Variants in AKAP6 observed in about 807,000 individuals in gnomAD.
AKAP6 encodes A-kinase anchor protein 6.
Under a neutral mutation model 188.5 loss-of-function variants are expected in AKAP6, and 58 were observed. That is an observed-to-expected ratio of 0.31 (90% CI 0.25 to 0.38). The LOEUF (loss-of-function observed/expected upper bound fraction) is 0.38, where lower values mean the gene tolerates loss of function less well. Ranked by LOEUF, AKAP6 falls within the 10% of genes least tolerant of loss-of-function variation. AKAP6 has a pLI of 1.00. For missense variants in AKAP6, 2,710 were observed against 2,740.0 expected, an observed-to-expected ratio of 0.99 and a Z score of 0.24; for synonymous variants, 989 against 998.6, an observed-to-expected ratio of 0.99 and a Z score of 0.18.
At chr14:32,769,425 G>A (rs1312500348) in intron 11 of AKAP6, among the ~76,000 whole-genome samples, 5 of 151,968 alleles carry the variant, frequency 3.3e-5, no homozygotes, top group Non-Finnish European at 7.4e-5. Flanking sequence ...ATTGAAGGCA[G>A]GTACATTATC....
intron 7 of AKAP6, among the ~76,000 whole-genome samples, chr14:32,611,167 C>T (rs926700581): frequency 2.0e-5 from 3 of 151,854 alleles, no homozygotes; most frequent in African/African-American, 2.4e-5. Flanking sequence ...GAAGGGTTAA[C>T]GATGACTTAA....
chr14:32,344,896 A>G (rs1240652136), intron 1 of AKAP6, among the ~76,000 whole-genome samples: 1 of 149,150 alleles, frequency 6.7e-6, no homozygotes, highest in African/African-American at 2.5e-5. Context: ...AGCCTGGGCA[A>G]CAGAGTGAGA....
chr14:32,532,702 A>T (rs1353353392), intron 2 of AKAP6, among the ~76,000 whole-genome samples: 1 of 152,188 alleles, frequency 6.6e-6, no homozygotes, highest in African/African-American at 2.4e-5. Context: ...TCTCCTAGGT[A>T]TGTAAGATAT....
chr14:32,480,069 G>A lies in AKAP6; in HGVS notation c.324+46252G>A, dbSNP rs764975625. 1.9e-4 allele frequency among the ~76,000 whole-genome samples: 29 copies of A among 152,308 alleles called. 1 individual carries two copies. Among genetic ancestry groups the A allele is most frequent in the Middle Eastern group, 6.8e-3 (2 of 294 alleles). ...AGGAGAAAACAGTATCTCTGCAAAT[G>A]TAAGGGAATTGGACCTTGGAGTTGG... On this transcript the variant is annotated intron_variant, in intron 2 of 13. Coordinates refer to ENST00000280979, the MANE Select transcript of AKAP6 (RefSeq NM_004274.5).
chr14:32,332,705 C>A (rs1886568841), intron 1 of AKAP6, among the ~76,000 whole-genome samples: 1 of 151,996 alleles, frequency 6.6e-6, no homozygotes, highest in Non-Finnish European at 1.5e-5. Flanking sequence ...TGTTCTCAAC[C>A]TGGTGTTGAG....
chr14:32,394,830 A>G (rs1888825983), intron 1 of AKAP6, among the ~76,000 whole-genome samples: 1 of 152,146 alleles, frequency 6.6e-6, no homozygotes, highest in African/African-American at 2.4e-5. Flanking sequence ...GTTTTATATT[A>G]AGCGCTATAT....
At chr14:32,746,029 G>A (rs1258675772) in intron 11 of AKAP6, among the ~76,000 whole-genome samples, 2 of 152,154 alleles carry the variant, frequency 1.3e-5, no homozygotes, top group African/African-American at 4.8e-5. Context: ...AGCTTATGGT[G>A]AATGCTGCCT....
intron 2 of AKAP6, among the ~76,000 whole-genome samples, chr14:32,501,315 C>T (rs1440004813): frequency 6.6e-6 from 1 of 152,104 alleles, no homozygotes; most frequent in Non-Finnish European, 1.5e-5. Context: ...CTAGCAAAAA[C>T]ATTTCAAGTG....
intron 12 of AKAP6, among the ~76,000 whole-genome samples, chr14:32,808,678 T>G (rs2034149430): frequency 6.6e-6 from 1 of 152,176 alleles, no homozygotes; most frequent in African/African-American, 2.4e-5. Flanking sequence ...AAGCAATTCT[T>G]CCGTTTTTTT....
chr14:32,700,748 G>C (rs1003073621), intron 9 of AKAP6, among the ~76,000 whole-genome samples: 1 of 152,008 alleles, frequency 6.6e-6, no homozygotes, highest in Non-Finnish European at 1.5e-5. Flanking sequence ...CTATCATCTA[G>C]GTTTATCTAA....
At chr14:32,586,097 G>A (rs1366563919) in intron 5 of AKAP6, among the ~76,000 whole-genome samples, 1 of 152,148 alleles carries the variant, frequency 6.6e-6, no homozygotes, top group African/African-American at 2.4e-5. Context: ...GCTTAGGTGA[G>A]AGAATAACTC....
At chr14:32,716,519 T>G (rs1199491246) in intron 9 of AKAP6, among the ~76,000 whole-genome samples, 1 of 150,218 alleles carries the variant, frequency 6.7e-6, no homozygotes, top group Non-Finnish European at 1.5e-5. Flanking sequence ...ACACTATGTA[T>G]TTAGTATATA....
intron 11 of AKAP6, among the ~76,000 whole-genome samples, chr14:32,737,277 A>T (rs2031472300): frequency 1.3e-5 from 2 of 152,102 alleles, no homozygotes; most frequent in Non-Finnish European, 2.9e-5. Context: ...AGAAAATTTT[A>T]TTCATGACTG....
intron 2 of AKAP6, among the ~76,000 whole-genome samples, chr14:32,462,901 CAAAAA>C (rs71143943): frequency 1.1e-3 from 10 of 8,836 alleles, no homozygotes; most frequent in African/African-American, 3.6e-3. Flanking sequence ...AAATGGAAAG[CAAAAA>C]AAAAAAAAAA....
intron 11 of AKAP6, among the ~76,000 whole-genome samples, chr14:32,763,171 T>C (rs1302851822): frequency 1.3e-5 from 2 of 152,144 alleles, no homozygotes; most frequent in African/African-American, 2.4e-5. Flanking sequence ...ATCTAGCTTT[T>C]ACATTGAATA....
At position 32,750,879 on chromosome 14, in the gene AKAP6, C is replaced by T. The variant is rs191857442; in HGVS notation, c.3372+14997C>T. Among the ~76,000 whole-genome samples the T allele has an allele frequency of 1.7e-3, 261 of 151,572 alleles. 1 individual carries two copies. Among genetic ancestry groups the T allele is most frequent in the African/African-American group, 5.8e-3 (239 of 41,316 alleles). On this transcript the variant is annotated intron_variant, in intron 11 of 13. Coordinates refer to ENST00000280979, the MANE Select transcript of AKAP6 (RefSeq NM_004274.5). The stretch of plus-strand genomic sequence containing the variant: ...CCTCCCGAGTAGCTGGGACTACAGG[C>T]GCCTGCCACCATGCCCGGCTAATTT...
chr14:32,793,463 A>T (rs1022439909), intron 12 of AKAP6, among the ~76,000 whole-genome samples: 3 of 151,860 alleles, frequency 2.0e-5, no homozygotes, highest in Non-Finnish European at 4.4e-5. Flanking sequence ...TCAATTCAAT[A>T]AAAAAAAGCT....
chr14:32,670,096 C>CAA (rs35146450), intron 7 of AKAP6, among the ~76,000 whole-genome samples: 2 of 54,774 alleles, frequency 3.7e-5, no homozygotes, highest in Admixed American at 2.0e-4. Context: ...GACTCTGTCT[C>CAA]AAAAAAAAAA....
intron 1 of AKAP6, among the ~76,000 whole-genome samples, chr14:32,399,905 CTG>C (rs1438536093): frequency 6.6e-6 from 1 of 152,036 alleles, no homozygotes; most frequent in Non-Finnish European, 1.5e-5. Flanking sequence ...GGTTATGGTG[CTG>C]TGTTTCCCCA....
Sources: gnomAD v4.1 joint callset for allele counts (sites outside exome capture counted in the v4.1 genomes callset) on GRCh38, gnomAD v4.1.1 for gene constraint, MANE v1.5 for transcripts, NCBI Gene and HGNC (gene_info 2026-07-23, HGNC 2026-07-21) for gene names.